MGAM: variants seen among roughly 807,000 people sequenced by gnomAD.
The protein encoded by MGAM is maltase-glucoamylase.
Under a neutral mutation model 358.8 loss-of-function variants are expected in MGAM, and 253 were observed. That is an observed-to-expected ratio of 0.71 (90% CI 0.64 to 0.78). The LOEUF (loss-of-function observed/expected upper bound fraction) is 0.78, where lower values mean the gene tolerates loss of function less well. MGAM is among the 30% of genes least tolerant of loss of function. The pLI, the probability that MGAM is intolerant of heterozygous loss-of-function variation, is 0.00. For synonymous variants in MGAM, 1,105 were observed against 1,227.1 expected, an observed-to-expected ratio of 0.90 and a Z score of 2.08; for missense variants, 3,080 against 3,432.6, an observed-to-expected ratio of 0.90 and a Z score of 2.57.
chr7:142,042,832 T>A (rs1319113185), intron 21 of MGAM, among the ~76,000 whole-genome samples: 568 of 28,378 alleles, frequency 0.02, 32 homozygotes, highest in Non-Finnish European at 0.046. Flanking sequence ...ATATAATATC[T>A]ATATTATATA....
chr7:142,019,159 A>G, intron 3 of MGAM, 40 bp from the exon 4 acceptor site: 2 of 1,601,256 alleles, frequency 1.2e-6, no homozygotes, highest in Non-Finnish European at 1.7e-6. Flanking sequence ...ATCATGTTCT[A>G]CAACTAAATG....
chr7:142,038,059 A>G (rs1584960263), intron 18 of MGAM, among the ~76,000 whole-genome samples: 1 of 151,236 alleles, frequency 6.6e-6, no homozygotes, highest in African/African-American at 2.4e-5. Context: ...GCCCCTCACT[A>G]CCCTTCCCAG....
chr7:142,001,245 G>T (rs547745570), intron 1 of MGAM, among the ~76,000 whole-genome samples: 1 of 152,318 alleles, frequency 6.6e-6, no homozygotes, highest in South Asian at 2.1e-4. Context: ...GTAGAGAAAG[G>T]TTGCTTTCAC....
intron 1 of MGAM, among the ~76,000 whole-genome samples, chr7:142,000,067 CAT>C (rs1434878667): frequency 2.6e-5 from 4 of 152,142 alleles, no homozygotes; most frequent in African/African-American, 7.2e-5. Context: ...ATTAAAAAGT[CAT>C]ATTTACCTAT....
At chr7:142,018,607 A>G (rs1205846903) in intron 3 of MGAM, among the ~76,000 whole-genome samples, 8 of 152,214 alleles carry the variant, frequency 5.3e-5, no homozygotes, top group African/African-American at 1.9e-4. Context: ...CTTCTACTTG[A>G]TTCAGTCATT....
intron 21 of MGAM, among the ~76,000 whole-genome samples, chr7:142,045,261 A>G (rs1415046053): frequency 2.4e-5 from 2 of 83,454 alleles, no homozygotes; most frequent in African/African-American, 4.9e-5. Context: ...GATATATAAT[A>G]TATATTATAT....
In MGAM at chr7:142,034,329, G is replaced by A. The variant is rs902260519; in HGVS notation, c.1737G>A (p.Gln579=). Residue 579 remains glutamine (Q), a synonymous_variant, in exon 15 of 71, where the codon CAG becomes CAA. Transcript: ENST00000475668. ...CMDAVQHWGK[Q]YDIHNLYGYS... ...ATGCAGTGCAGCACTGGGGCAAGCAGTATGACATTCACAATCTGTATGGCT... is the reference window on the plus strand; with the variant it reads ...ATGCAGTGCAGCACTGGGGCAAGCAATATGACATTCACAATCTGTATGGCT... The A allele has an allele frequency of 1.3e-6, 2 of 1,597,766 alleles. No homozygotes were observed. Among genetic ancestry groups the A allele is most frequent in the Admixed American group, 1.7e-5 (1 of 57,806 alleles).
At chr7:141,991,911 AAATCCAGGGACTTGGAGC>A (rs1803964328), upstream of MGAM, among the ~76,000 whole-genome samples, 1 of 152,176 alleles carries the variant, frequency 6.6e-6, no homozygotes, top group African/African-American at 2.4e-5. Flanking sequence ...CCATGTTTTT[AAATCCAGGGACTTGGAGC>A]TAAGCCTTTA....
intron 21 of MGAM, among the ~76,000 whole-genome samples, chr7:142,046,437 GC>G (rs1201588832): frequency 2.0e-5 from 3 of 151,986 alleles, no homozygotes; most frequent in Non-Finnish European, 4.4e-5. Flanking sequence ...TCCTCTGTGT[GC>G]AAGCCAAGAA....
At position 142,083,488 on chromosome 7, in the gene MGAM, T is replaced by G. The variant is rs540324290; in HGVS notation, c.6381+75T>G. ...GTGCCAGAGCCCACATTCATTAGTA[T>G]AACTCTCAGATGATAACTGGAATTA... On this transcript the variant is annotated intron_variant, in intron 53 of 70. Coordinates refer to ENST00000475668, the MANE Select transcript of MGAM (RefSeq NM_001365693.1). 14 of 1,058,356 alleles carry G rather than the reference T, an allele frequency of 1.3e-5. 1 individual carries two copies. The African/African-American group carries it at 1.5e-4, about 11-fold the overall frequency. The allele number at this position is 1,058,356 out of a possible 1,614,324, so 65.6% of individuals were successfully genotyped here.
intron 4 of MGAM, among the ~76,000 whole-genome samples, chr7:142,019,749 GC>G (rs1806263216): frequency 6.6e-6 from 1 of 152,118 alleles, no homozygotes; most frequent in South Asian, 2.1e-4. Flanking sequence ...GGAGTGAATA[GC>G]CCCTCTTCTT....
At chr7:142,045,473 TTA>T (rs1308078937) in intron 21 of MGAM, among the ~76,000 whole-genome samples, 5 of 111,430 alleles carry the variant, frequency 4.5e-5, no homozygotes, top group African/African-American at 1.9e-4. Flanking sequence ...ATTATATATA[TTA>T]TATATACATA....
chr7:142,071,811 T>C (rs1184509116), intron 44 of MGAM, among the ~76,000 whole-genome samples: 1 of 146,396 alleles, frequency 6.8e-6, no homozygotes, highest in Non-Finnish European at 1.5e-5. Flanking sequence ...AAAGTCTATG[T>C]CACTGAATTT....
intron 45 of MGAM, 82 bp downstream of exon 45, chr7:142,074,255 T>C: frequency 9.7e-7 from 1 of 1,027,686 alleles, no homozygotes; most frequent in East Asian, 2.6e-5. Flanking sequence ...GTCATTCAGC[T>C]GTGGGAGAAA....
rs1180524070 is a variant in MGAM at position 142,045,753 on chromosome 7, TCA to T, written c.2499-2031_2499-2030del. 1.7e-3 allele frequency among the ~76,000 whole-genome samples: 111 copies of T among 67,054 alleles called. 9 individuals carry two copies. Among genetic ancestry groups the T allele is most frequent in the Non-Finnish European group, 2.1e-3 (77 of 36,904 alleles). 44.0% of individuals were successfully genotyped at this position (67,054 alleles called of 152,430 possible). The stretch of plus-strand genomic sequence containing the variant: ...ACAATGTATGAATATATAATATATA[TCA>T]TATATACATACAATGTATGAATATA... On this transcript the variant is annotated intron_variant, in intron 21 of 70. Coordinates refer to ENST00000475668, the MANE Select transcript of MGAM (RefSeq NM_001365693.1).
At chr7:142,010,103 A>G (rs1471076790) in intron 3 of MGAM, among the ~76,000 whole-genome samples, 5 of 152,144 alleles carry the variant, frequency 3.3e-5, no homozygotes, top group African/African-American at 4.8e-5. Flanking sequence ...TGATTCTCCC[A>G]GTTATGAGAG....
chr7:142,094,526 C>T lies in MGAM; in HGVS notation c.7306+29C>T, dbSNP rs765295195. ...CGTGGGTCCTTCCCAGGGCCTGTGCCGGTAGGGCAGGGAGTTGGGATCCTT... is the reference window on the plus strand; with the variant it reads ...CGTGGGTCCTTCCCAGGGCCTGTGCTGGTAGGGCAGGGAGTTGGGATCCTT... On this transcript the variant is annotated intron_variant, in intron 61 of 70. Coordinates refer to ENST00000475668, the MANE Select transcript of MGAM (RefSeq NM_001365693.1). 38 of 1,554,024 alleles carry T rather than the reference C, an allele frequency of 2.4e-5. 3 individuals are homozygous for T. Among genetic ancestry groups the T allele is most frequent in the Non-Finnish European group, 3.1e-5 (35 of 1,131,530 alleles).
chr7:142,045,606 A>G (rs1207931394), intron 21 of MGAM, among the ~76,000 whole-genome samples: 4 of 107,778 alleles, frequency 3.7e-5, no homozygotes, highest in Non-Finnish European at 6.7e-5. Context: ...TGAATATATA[A>G]TATATATTAT....
At chr7:142,084,910 C>T (rs935727374) in intron 54 of MGAM, among the ~76,000 whole-genome samples, 1 of 146,540 alleles carries the variant, frequency 6.8e-6, no homozygotes, top group African/African-American at 2.4e-5. Context: ...ATGCTTCCTT[C>T]CATTTCTTTC....
Sources: gnomAD v4.1 joint callset for allele counts (sites outside exome capture counted in the v4.1 genomes callset) on GRCh38, gnomAD v4.1.1 for gene constraint, MANE v1.5 for transcripts, NCBI Gene and HGNC (gene_info 2026-07-23, HGNC 2026-07-21) for gene names.